ZNF596: variants seen among roughly 807,000 people sequenced by gnomAD.
The protein encoded by ZNF596 is zinc finger protein 596.
In ZNF596, 45 loss-of-function variants were observed where a neutral mutation model predicts 48.3. The observed-to-expected ratio is 0.93, with a 90% CI of 0.73 to 1.19. ZNF596 has a LOEUF of 1.19. Ranked by LOEUF, ZNF596 falls within the 50% of genes most tolerant of loss-of-function variation. The pLI is 0.00. For synonymous variants in ZNF596, 270 were observed against 202.0 expected (o/e 1.34, Z -2.85); for missense variants, 848 against 599.7 (o/e 1.41, Z -4.32).
At chr8:233,253 A>G (rs372187921) in intron 1 of ZNF596, 2 of 389,250 alleles carry the variant, frequency 5.1e-6, no homozygotes, top group East Asian at 7.5e-5. Context: ...AGGACAGAAT[A>G]CAATGAGGAG....
At position 240,820 on chromosome 8, in the gene ZNF596, T is replaced by C. The variant is rs917436768; in HGVS notation, c.-72-4T>C. ...TTTTTGTTTTTGTTTTTGTTTTTGCTCAGATTTGTCTTCTTAGTGCTTGGA... is the reference window on the plus strand; with the variant it reads ...TTTTTGTTTTTGTTTTTGTTTTTGCCCAGATTTGTCTTCTTAGTGCTTGGA... On this transcript the variant is annotated splice_region_variant and splice_polypyrimidine_tract_variant and intron_variant, in intron 1 of 5. Transcript: ENST00000398612. 4.4e-6 allele frequency: 7 copies of C among 1,585,248 alleles called. No homozygotes were observed. The African/African-American group carries it at 9.4e-5, about 21-fold the overall frequency.
chr8:234,952 T>C (rs1796562606), intron 1 of ZNF596: 1 of 152,194 alleles, frequency 6.6e-6, no homozygotes, highest in South Asian at 2.1e-4. Flanking sequence ...GTCAGGAATA[T>C]CTGACAAATC....
intron 1 of ZNF596, among the ~76,000 whole-genome samples, chr8:235,686 T>A (rs1446684044): frequency 6.6e-6 from 1 of 152,180 alleles, no homozygotes; most frequent in Non-Finnish European, 1.5e-5. Flanking sequence ...CACTTCGGTG[T>A]CTTATTATGT....
intron 1 of ZNF596, chr8:234,261 A>G (rs1271934122): frequency 6.6e-6 from 1 of 152,248 alleles, no homozygotes. Flanking sequence ...ACCAGTTGAT[A>G]TACCCACAGC....
chr8:235,954 A>C (rs1563062187), intron 1 of ZNF596, among the ~76,000 whole-genome samples: 1 of 152,110 alleles, frequency 6.6e-6, no homozygotes, highest in Non-Finnish European at 1.5e-5. Context: ...ATTTAGACAA[A>C]ATTGACTTTT....
At position 245,920 on chromosome 8, in the gene ZNF596, A is replaced by G. The variant is rs368718146; in HGVS notation, c.1073A>G (p.Asn358Ser). Residue 358 changes from asparagine to serine, a missense_variant, in exon 6 of 6, where the codon AAT (asparagine) becomes AGT (serine). Transcript: ENST00000398612. ...CTTAGACAACATGAGCGAAGTCACA[A>G]TGGAGAGAAACCACATGGATGTCAT... Reference protein sequence around the residue: ...SHLRQHERSHNGEKPHGCHLC... With the variant: ...SHLRQHERSHSGEKPHGCHLC... 15 of 1,609,618 alleles carry G rather than the reference A, an allele frequency of 9.3e-6. No homozygotes were observed. The highest frequency in any genetic ancestry group is 6.8e-5 in the African/African-American group (5 of 73,470).
Position 243,863 on chromosome 8 carries a change from G to C in ZNF596, c.223+58G>C, listed in dbSNP as rs139023112. On this transcript the variant is annotated intron_variant, in intron 4 of 5. Transcript: ENST00000398612. ...GAGGAGAAACATGGCCAGTGAGTGA[G>C]TAGGACCCAACAGTTGCCAAAGGAA... The C allele has an allele frequency of 2.1e-6, 3 of 1,424,568 alleles. No homozygotes were observed. In the East Asian group the frequency reaches 6.9e-5, roughly 33 times the overall value. The allele number at this position is 1,424,568 out of a possible 1,614,324, so 88.2% of individuals were successfully genotyped here. A position where few individuals can be genotyped will look rare whatever the true frequency, so the allele number is the denominator to read the frequency against.
chr8:237,644 T>C (rs1255570288), intron 1 of ZNF596: 1 of 152,328 alleles, frequency 6.6e-6, no homozygotes, highest in East Asian at 1.9e-4. Flanking sequence ...ATCTCATTAT[T>C]AAATTACTCT....
At position 245,196 on chromosome 8, in the gene ZNF596, G is replaced by A; in HGVS notation, c.349G>A (p.Gly117Arg). 6.2e-7 allele frequency: 1 copy of A among 1,608,970 alleles called. No individual in the cohort carries two copies. Among genetic ancestry groups the A allele is most frequent in the Admixed American group, 1.7e-5 (1 of 59,666 alleles). Residue 117 changes from glycine to arginine, a missense_variant, in exon 6 of 6, where the codon GGA (glycine) becomes AGA (arginine). Gly to Arg is a moderately radical substitution (Grantham distance 125). Transcript: ENST00000398612. ...GGATCCTTTTCTATGCAATGACTTA[G>A]GAGAAGATTTCACTCAACATATAGC... is the stretch of plus-strand genomic sequence containing the variant. ...QEDPFLCNDL[G>R]EDFTQHIALT...
intron 1 of ZNF596, among the ~76,000 whole-genome samples, chr8:238,437 A>C (rs893769754): frequency 7.9e-5 from 12 of 152,038 alleles, no homozygotes; most frequent in African/African-American, 2.7e-4. Context: ...GATATTGCAC[A>C]ACCTTGAAAA....
intron 4 of ZNF596, 76 bp from the exon 5 acceptor site, chr8:244,543 A>G (rs1483272370): frequency 1.0e-6 from 1 of 972,224 alleles, no homozygotes; most frequent in African/African-American, 1.7e-5. Context: ...AACACACTCA[A>G]ATGGGCTTTG....
chr8:246,256 C>G lies in ZNF596; in HGVS notation c.1409C>G (p.Thr470Ser). ...YNFRLHRRVH[T>S]GEKPYVCPLC... The stretch of plus-strand genomic sequence containing the variant: ...TTTAGACTTCATAGAAGAGTTCACA[C>G]TGGAGAGAAACCATATGTATGTCCT... Residue 470 changes from threonine (T) to serine (S), a missense_variant, in exon 6 of 6, where the codon ACT (threonine) becomes AGT (serine). Transcript: ENST00000398612. The G allele has an allele frequency of 1.9e-6, 3 of 1,613,002 alleles. No homozygotes were observed. The highest frequency in any genetic ancestry group is 2.5e-6 in the Non-Finnish European group (3 of 1,179,496).
intron 2 of ZNF596, 139 bp downstream of exon 2, chr8:241,046 GT>G: frequency 9.4e-7 from 1 of 1,060,800 alleles, no homozygotes; most frequent in Non-Finnish European, 1.5e-6. Context: ...GCTTCGGAAT[GT>G]TTACATTGGC....
At chr8:244,189 C>T (rs568101711) in intron 4 of ZNF596, 16 of 208,330 alleles carry the variant, frequency 7.7e-5, no homozygotes, top group East Asian at 1.6e-4. Context: ...CACGCCCAGC[C>T]GGAAGGTTTC....
intron 1 of ZNF596, among the ~76,000 whole-genome samples, chr8:238,687 A>C (rs2117080172): frequency 6.6e-6 from 1 of 151,398 alleles, no homozygotes; most frequent in African/African-American, 2.4e-5. Context: ...GGCACCTATA[A>C]TCCCAGCTAC....
rs772073733 is a variant in ZNF596, at chr8:245,959, C to T, written c.1112C>T (p.Ala371Val). The change falls in exon 6 of 6, where the codon GCA becomes GTA. Residue 371 changes from alanine (A) to valine (V), a missense_variant. Transcript: ENST00000398612. ...CATGGATGTCATCTATGTGGGAAAGCATTCACTGAATCTTCTGTGCTTAAA... is the reference window on the plus strand; with the variant it reads ...CATGGATGTCATCTATGTGGGAAAGTATTCACTGAATCTTCTGTGCTTAAA... ...KPHGCHLCGK[A>V]FTESSVLKRH... 6 of 1,614,100 alleles carry T rather than the reference C, an allele frequency of 3.7e-6. No individual in the cohort carries two copies. In the Middle Eastern group the frequency reaches 4.9e-4, roughly 133 times the overall value.
intron 4 of ZNF596, chr8:244,309 A>T (rs182043469): frequency 3.2e-6 from 1 of 309,692 alleles, no homozygotes; most frequent in Non-Finnish European, 5.9e-6. Context: ...TCTCTCTGTC[A>T]TTGTCTTTGT....
At chr8:239,446 C>G (rs1302122721) in intron 1 of ZNF596, among the ~76,000 whole-genome samples, 1 of 152,200 alleles carries the variant, frequency 6.6e-6, no homozygotes, top group African/African-American at 2.4e-5. Context: ...ATCCTCCTGC[C>G]TTGGCCTCCC....
intron 1 of ZNF596, chr8:233,816 A>G (rs2117057158): frequency 6.6e-6 from 1 of 152,358 alleles, no homozygotes; most frequent in East Asian, 1.9e-4. Context: ...TATGATTAAA[A>G]CCGTGAAAGA....
Sources: allele counts gnomAD v4.1 joint callset (sites outside exome capture counted in the v4.1 genomes callset), GRCh38; gene constraint gnomAD v4.1.1; transcripts MANE v1.5; gene names NCBI Gene and HGNC (gene_info 2026-07-23, HGNC 2026-07-21).